SEPTIN2: variants seen among roughly 807,000 people sequenced by gnomAD.
SEPTIN2 encodes the protein septin 2.
Under a neutral mutation model 46.5 loss-of-function variants are expected in SEPTIN2, and 34 were observed. That is an observed-to-expected ratio of 0.73 (90% CI 0.56 to 0.97). The LOEUF (loss-of-function observed/expected upper bound fraction) is 0.97, where lower values mean the gene tolerates loss of function less well. Among genes scored for constraint, SEPTIN2 ranks in the 50% least tolerant of loss-of-function variants. SEPTIN2 has a pLI of 0.00. For synonymous variants in SEPTIN2, 175 were observed against 153.4 expected, an observed-to-expected ratio of 1.14 and a Z score of -1.04; for missense variants, 347 against 448.4, an observed-to-expected ratio of 0.77 and a Z score of 2.04.
At chr2:241,342,965 T>C in intron 7 of SEPTIN2, 27 bp from the exon 8 acceptor site, 1 of 1,339,964 alleles carries the variant, frequency 7.5e-7, no homozygotes, top group Non-Finnish European at 1.1e-6. Flanking sequence ...TTTGCTAAAA[T>C]TGATCCTGGT....
upstream of SEPTIN2, chr2:241,315,885 C>G (rs1575085449): frequency 9.5e-6 from 1 of 105,104 alleles, no homozygotes; most frequent in Non-Finnish European, 2.0e-5. Flanking sequence ...GCGCGCTGGG[C>G]GGGGCGGGGC....
At chr2:241,316,716 C>T (rs946146937) in intron 1 of SEPTIN2, 2 of 476,830 alleles carry the variant, frequency 4.2e-6, no homozygotes, top group East Asian at 7.0e-5. Flanking sequence ...CCTTTTCGGT[C>T]TAATTCTTGT....
chr2:241,341,518 G>C (rs1670463063), intron 7 of SEPTIN2, among the ~76,000 whole-genome samples: 1 of 152,158 alleles, frequency 6.6e-6, no homozygotes, highest in African/African-American at 2.4e-5. Flanking sequence ...CGTAAGATGA[G>C]GACAGGTGAG....
rs1263842244 is a variant in SEPTIN2 at position 241,337,419 on chromosome 2, G to A, written c.379G>A (p.Glu127Lys). ...TIISYIDEQF[E>K]RYLHDESGLN... Reference sequence around the variant, plus strand: ...TATCTCCTATATTGATGAGCAATTTGAGAGGTACCTGCATGACGAGAGCGG... The same window carrying A: ...TATCTCCTATATTGATGAGCAATTTAAGAGGTACCTGCATGACGAGAGCGG... The change falls in exon 6 of 13, where the codon GAG (glutamate) becomes AAG (lysine). Residue 127 changes from glutamate (E) to lysine (K), a missense_variant. By Grantham distance (56) the Glu-to-Lys change is moderately conservative. Transcript: ENST00000391971. The A allele has an allele frequency of 1.2e-6, 2 of 1,613,944 alleles. No individual in the cohort carries two copies. The highest frequency in any genetic ancestry group is 8.5e-7 in the Non-Finnish European group (1 of 1,179,910).
intron 10 of SEPTIN2, among the ~76,000 whole-genome samples, chr2:241,347,136 G>C (rs568661809): frequency 1.4e-4 from 21 of 152,044 alleles, no homozygotes; most frequent in African/African-American, 4.8e-4. Context: ...GCATGCCTGT[G>C]GTCCCAGCTA....
chr2:241,326,353 A>G (rs936540637), intron 3 of SEPTIN2, among the ~76,000 whole-genome samples: 2 of 152,260 alleles, frequency 1.3e-5, no homozygotes, highest in African/African-American at 4.8e-5. Flanking sequence ...CTAGGCTCCA[A>G]AATGGCCCCC....
chr2:241,331,958 A>T (rs1014252947), intron 3 of SEPTIN2, among the ~76,000 whole-genome samples: 1 of 152,216 alleles, frequency 6.6e-6, no homozygotes, highest in South Asian at 2.1e-4. Flanking sequence ...AAAAAAGCCA[A>T]GTTGATTCAG....
Position 241,336,051 on chromosome 2 carries a change from A to G in SEPTIN2, c.294A>G (p.Thr98=), listed in dbSNP as rs753092078. The G allele has an allele frequency of 3.1e-6, 5 of 1,614,120 alleles. No individual in the cohort carries two copies. Among genetic ancestry groups the G allele is most frequent in the African/African-American group, 1.3e-5 (1 of 74,950 alleles). Residue 98 remains threonine (T), a synonymous_variant, in exon 5 of 13, where the codon ACA becomes ACG. Transcript: ENST00000391971. ...IEERGVKLRL[T]VVDTPGYGDA... ...AGCGAGGGGTCAAGCTACGCCTGAC[A>G]GTGGTAGATACCCCTGGCTATGGTG...
chr2:241,337,868 CGCTCAGTCT>C (rs1187458495), intron 7 of SEPTIN2, 78 bp downstream of exon 7: 2 of 989,278 alleles, frequency 2.0e-6, no homozygotes, highest in Non-Finnish European at 3.2e-6. Context: ...TGTGTTCCCA[CGCTCAGTCT>C]GCTCAGGTGT....
chr2:241,323,092 T>C (rs2077389052), intron 1 of SEPTIN2, among the ~76,000 whole-genome samples: 1 of 152,164 alleles, frequency 6.6e-6, no homozygotes. Context: ...TGGTGTTGAA[T>C]TTTTGGCTTC....
In SEPTIN2 at chr2:241,335,224, C is replaced by A; in HGVS notation, c.217+12C>A. 1 of 1,610,226 alleles carries A rather than the reference C, an allele frequency of 6.2e-7. No individual in the cohort carries two copies. The highest frequency in any genetic ancestry group is 2.2e-5 in the East Asian group (1 of 44,868). On this transcript the variant is annotated intron_variant, in intron 4 of 12. Coordinates refer to ENST00000391971, the MANE Select transcript of SEPTIN2 (RefSeq NM_004404.5). Reference sequence around the variant, plus strand: ...ACCTGGAGCAGCAGGTAAAAACATTCTTATGTTACTGTAAGTGTAATTCTA... The same window carrying A: ...ACCTGGAGCAGCAGGTAAAAACATTATTATGTTACTGTAAGTGTAATTCTA...
intron 7 of SEPTIN2, among the ~76,000 whole-genome samples, chr2:241,339,074 A>G (rs2080885816): frequency 7.4e-6 from 1 of 134,912 alleles, no homozygotes; most frequent in Non-Finnish European, 1.5e-5. Context: ...ATATATAAAT[A>G]TAATATACAT....
At chr2:241,344,992 T>G (rs1049855104) in intron 9 of SEPTIN2, among the ~76,000 whole-genome samples, 1 of 151,630 alleles carries the variant, frequency 6.6e-6, no homozygotes. Context: ...TGGGTGCCGG[T>G]ATTCTCAGCT....
chr2:241,331,667 T>C (rs1253955670), intron 3 of SEPTIN2, among the ~76,000 whole-genome samples: 2 of 152,230 alleles, frequency 1.3e-5, no homozygotes, highest in African/African-American at 4.8e-5. Flanking sequence ...CAAGGATTAC[T>C]ACTGGCATGA....
At chr2:241,338,863 T>C (rs1441531349) in intron 7 of SEPTIN2, among the ~76,000 whole-genome samples, 1 of 35,212 alleles carries the variant, frequency 2.8e-5, no homozygotes, top group Non-Finnish European at 5.4e-5. Context: ...TATATAAAAA[T>C]ATATATATTT....
chr2:241,321,590 G>A (rs751608584), intron 1 of SEPTIN2, among the ~76,000 whole-genome samples: 1 of 151,292 alleles, frequency 6.6e-6, no homozygotes, highest in Non-Finnish European at 1.5e-5. Context: ...TTTTCCCTTG[G>A]TTTTTCAGGC....
chr2:241,330,103 T>C (rs1317449822), intron 3 of SEPTIN2, among the ~76,000 whole-genome samples: 1 of 152,208 alleles, frequency 6.6e-6, no homozygotes, highest in Non-Finnish European at 1.5e-5. Context: ...TTTTTACATA[T>C]ACACGAGCTA....
intron 7 of SEPTIN2, among the ~76,000 whole-genome samples, chr2:241,340,692 A>G (rs1339526450): frequency 6.6e-6 from 1 of 152,182 alleles, no homozygotes; most frequent in Non-Finnish European, 1.5e-5. Context: ...TATGCGAAAC[A>G]TTTAGTGCTG....
At chr2:241,318,810 G>T (rs1480637372) in intron 1 of SEPTIN2, among the ~76,000 whole-genome samples, 2 of 150,626 alleles carry the variant, frequency 1.3e-5, no homozygotes, top group Non-Finnish European at 2.9e-5. Flanking sequence ...AAGTGATTCT[G>T]CCTCAGCCTC....
Sources: gnomAD v4.1 joint callset for allele counts (sites outside exome capture counted in the v4.1 genomes callset) on GRCh38, gnomAD v4.1.1 for gene constraint, MANE v1.5 for transcripts, NCBI Gene and HGNC (gene_info 2026-07-23, HGNC 2026-07-21) for gene names.